Variants in NAV2 observed in about 807,000 individuals in gnomAD.
NAV2 encodes the protein helicase, APC down-regulated 1.
In NAV2, 54 loss-of-function variants were observed where a neutral mutation model predicts 223.2. The ratio of observed to expected loss-of-function variants is 0.24; its 90% CI spans 0.19 to 0.30. The LOEUF is 0.30. Ranked by LOEUF, NAV2 falls within the 10% of genes least tolerant of loss-of-function variation. NAV2 has a pLI of 1.00. For synonymous variants in NAV2, 1,279 were observed against 1,239.3 expected, an observed-to-expected ratio of 1.03 and a Z score of -0.67; for missense variants, 2,806 against 3,147.5, an observed-to-expected ratio of 0.89 and a Z score of 2.60.
At chr11:19,572,375 C>T (rs2045453208) in intron 1 of NAV2, among the ~76,000 whole-genome samples, 1 of 152,194 alleles carries the variant, frequency 6.6e-6, no homozygotes, top group Admixed American at 6.5e-5. Flanking sequence ...ATTCCTTGCT[C>T]AGCCACCCTT....
chr11:19,376,614 A>T (rs956458630), intron 1 of NAV2, among the ~76,000 whole-genome samples: 1 of 152,236 alleles, frequency 6.6e-6, no homozygotes, highest in African/African-American at 2.4e-5. Flanking sequence ...CTGTCTGTCT[A>T]TAGCTATCCA....
intron 1 of NAV2, among the ~76,000 whole-genome samples, chr11:19,412,537 G>C (rs978254330): frequency 5.3e-5 from 8 of 152,176 alleles, no homozygotes; most frequent in Admixed American, 3.9e-4. Context: ...TCTCTGAAGA[G>C]AGCAGTGGAT....
intron 1 of NAV2, among the ~76,000 whole-genome samples, chr11:19,732,168 A>G (rs2051843652): frequency 6.6e-6 from 1 of 151,942 alleles, no homozygotes; most frequent in Admixed American, 6.6e-5. Context: ...CTGAGGCAGG[A>G]GAATCGCTTG....
intron 1 of NAV2, among the ~76,000 whole-genome samples, chr11:19,825,772 CTTGAA>C (rs1484945700): frequency 6.6e-6 from 1 of 152,162 alleles, no homozygotes; most frequent in East Asian, 1.9e-4. Flanking sequence ...AGGTTCTTTA[CTTGAA>C]TTGATCTGTC....
intron 1 of NAV2, among the ~76,000 whole-genome samples, chr11:19,441,876 T>G (rs1380656914): frequency 1.3e-5 from 2 of 152,246 alleles, no homozygotes; most frequent in Non-Finnish European, 1.5e-5. Flanking sequence ...CAATTTGGTC[T>G]GGGAGCTCTC....
chr11:20,110,254 C>T (rs2062506308), intron 36 of NAV2, among the ~76,000 whole-genome samples: 2 of 152,166 alleles, frequency 1.3e-5, no homozygotes, highest in African/African-American at 4.8e-5. Flanking sequence ...GTTTGCATCC[C>T]ACTAAGTGGC....
intron 1 of NAV2, among the ~76,000 whole-genome samples, chr11:19,496,177 T>C (rs988281700): frequency 1.3e-5 from 2 of 152,228 alleles, no homozygotes; most frequent in African/African-American, 4.8e-5. Flanking sequence ...TTTCTCTGAT[T>C]AAAAAGCCTC....
chr11:19,692,029 T>C (rs1056274691), intron 1 of NAV2, among the ~76,000 whole-genome samples: 12 of 152,182 alleles, frequency 7.9e-5, no homozygotes, highest in African/African-American at 2.9e-4. Flanking sequence ...CCATTGACCA[T>C]GAGAGACACA....
chr11:19,421,920 C>G, intron 1 of NAV2, among the ~76,000 whole-genome samples: 1 of 152,270 alleles, frequency 6.6e-6, no homozygotes. Context: ...CACATCCTGA[C>G]TCCTCATTTT....
chr11:19,589,321 A>G (rs2045988389), intron 1 of NAV2, among the ~76,000 whole-genome samples: 2 of 152,220 alleles, frequency 1.3e-5, no homozygotes, highest in Admixed American at 1.3e-4. Context: ...TCCTGACTTT[A>G]CCAAAGGAAA....
At chr11:19,486,550 C>CTT (rs890491270) in intron 1 of NAV2, among the ~76,000 whole-genome samples, 1 of 152,132 alleles carries the variant, frequency 6.6e-6, no homozygotes, top group Non-Finnish European at 1.5e-5. Context: ...TTATAAGGGG[C>CTT]TTTTATCCCT....
intron 1 of NAV2, among the ~76,000 whole-genome samples, chr11:19,830,856 C>A (rs1461899651): frequency 6.6e-6 from 1 of 152,126 alleles, no homozygotes; most frequent in African/African-American, 2.4e-5. Context: ...ACTTCCTGAG[C>A]CTTCTTTGTG....
At chr11:19,665,632 A>G (rs2048390867) in intron 1 of NAV2, among the ~76,000 whole-genome samples, 1 of 152,196 alleles carries the variant, frequency 6.6e-6, no homozygotes, top group South Asian at 2.1e-4. Context: ...GGGCATTACT[A>G]TTATTATACC....
At chr11:20,084,773 A>C (rs950691800) in intron 26 of NAV2, among the ~76,000 whole-genome samples, 1 of 152,174 alleles carries the variant, frequency 6.6e-6, no homozygotes, top group African/African-American at 2.4e-5. Context: ...ATCCCAACTC[A>C]GTTGTCTCCT....
At chr11:19,886,755 G>T (rs1212855743) in intron 5 of NAV2, among the ~76,000 whole-genome samples, 2 of 152,214 alleles carry the variant, frequency 1.3e-5, no homozygotes, top group Non-Finnish European at 2.9e-5. Context: ...AAGAAGGCAG[G>T]GGGAAGAGAG....
At chr11:19,739,667 T>C (rs2052624782) in intron 1 of NAV2, among the ~76,000 whole-genome samples, 1 of 152,232 alleles carries the variant, frequency 6.6e-6, no homozygotes, top group Non-Finnish European at 1.5e-5. Context: ...CATGCTCATA[T>C]GTCTTATACC....
rs188087314 is a variant in NAV2, at chr11:19,843,645, A to C, written c.438+722A>C. Among the ~76,000 whole-genome samples, 179 of 152,326 alleles carry C rather than the reference A, an allele frequency of 1.2e-3. 1 individual carries two copies. The highest frequency in any genetic ancestry group is 2.3e-3 in the Non-Finnish European group (154 of 68,030). On this transcript the variant is annotated intron_variant, in intron 3 of 37. Coordinates refer to ENST00000349880, the MANE Select transcript of NAV2 (RefSeq NM_145117.5). ...ATTTCAAGCATGAATATTTACAAAA[A>C]AAAGTATATTTTCAGAGTCTGTTAA...
At position 19,941,423 on chromosome 11, in the gene NAV2, A is replaced by AT. The variant is rs72262826; in HGVS notation, c.2146+1659dup. 3.6e-4 allele frequency among the ~76,000 whole-genome samples: 49 copies of AT among 137,544 alleles called. 3 individuals are homozygous for AT. The highest frequency in any genetic ancestry group is 1.7e-3 in the East Asian group (7 of 4,120). 90.2% of individuals were successfully genotyped at this position (137,544 alleles called of 152,430 possible). A position where few individuals can be genotyped will look rare whatever the true frequency, so the allele number is the denominator to read the frequency against. On this transcript the variant is annotated intron_variant, in intron 8 of 37. Transcript: ENST00000349880. ...GAAGTCACACATGTGACTATGTTGAATTTTTTTTTATGGAGACACTGAATA... is the reference window on the plus strand; with the variant it reads ...GAAGTCACACATGTGACTATGTTGAATTTTTTTTTTATGGAGACACTGAATA...
At chr11:19,553,082 G>C (rs543913886) in intron 1 of NAV2, among the ~76,000 whole-genome samples, 4 of 152,338 alleles carry the variant, frequency 2.6e-5, no homozygotes, top group Admixed American at 2.6e-4. Context: ...ATACATTTGT[G>C]CAGGAAAATG....
Sources: gnomAD v4.1 joint callset for allele counts (sites outside exome capture counted in the v4.1 genomes callset) on GRCh38, gnomAD v4.1.1 for gene constraint, MANE v1.5 for transcripts, NCBI Gene and HGNC (gene_info 2026-07-23, HGNC 2026-07-21) for gene names.